Variants in MIS18BP1 observed in about 807,000 individuals in gnomAD.
MIS18BP1 encodes mis18-binding protein 1.
Under a neutral mutation model 116.1 loss-of-function variants are expected in MIS18BP1, and 72 were observed. That is an observed-to-expected ratio of 0.62 (90% CI 0.51 to 0.75). The LOEUF (loss-of-function observed/expected upper bound fraction) is 0.75. Among genes scored for constraint, MIS18BP1 ranks in the 30% least tolerant of loss-of-function variants. The probability of loss-of-function intolerance (pLI) is 0.00; values close to 1 mark genes in which losing one functional copy is unlikely to be tolerated. For missense variants in MIS18BP1, 1,363 were observed against 1,303.2 expected, an observed-to-expected ratio of 1.05 and a Z score of -0.71; for synonymous variants, 386 against 427.0, an observed-to-expected ratio of 0.90 and a Z score of 1.18.
At chr14:45,218,825 T>C (rs547902979) in intron 11 of MIS18BP1, among the ~76,000 whole-genome samples, 2 of 146,290 alleles carry the variant, frequency 1.4e-5, no homozygotes, top group Non-Finnish European at 3.1e-5. Context: ...TTAAATCTTA[T>C]TGGTGCTAAG....
chr14:45,252,524 T>G (rs1166415606), intron 1 of MIS18BP1, among the ~76,000 whole-genome samples: 1 of 152,214 alleles, frequency 6.6e-6, no homozygotes, highest in African/African-American at 2.4e-5. Context: ...TTTCTTGAAC[T>G]CCTGAGCTCA....
intron 8 of MIS18BP1, among the ~76,000 whole-genome samples, chr14:45,230,505 T>A (rs1487047327): frequency 6.6e-6 from 1 of 152,210 alleles, no homozygotes; most frequent in Non-Finnish European, 1.5e-5. Context: ...TACAACAGGT[T>A]TGCGGTAGGT....
chr14:45,210,584 A>G, intron 13 of MIS18BP1, 56 bp from the exon 14 acceptor site: 1 of 1,592,536 alleles, frequency 6.3e-7, no homozygotes. Context: ...TTTTCTCATT[A>G]TCACAAAATA....
intron 11 of MIS18BP1, among the ~76,000 whole-genome samples, chr14:45,218,701 T>G (rs950789445): frequency 6.6e-6 from 1 of 151,546 alleles, no homozygotes; most frequent in African/African-American, 2.4e-5. Flanking sequence ...ATGTGTTTTA[T>G]TAAGCCTGAA....
At chr14:45,229,502 T>G (rs1447808291) in intron 8 of MIS18BP1, among the ~76,000 whole-genome samples, 1 of 144,924 alleles carries the variant, frequency 6.9e-6, no homozygotes, top group African/African-American at 2.6e-5. Context: ...AGACCCTGTC[T>G]CAAAAAAAAA....
intron 13 of MIS18BP1, among the ~76,000 whole-genome samples, chr14:45,214,178 T>G (rs369248357): frequency 1.3e-5 from 2 of 152,156 alleles, no homozygotes; most frequent in South Asian, 2.1e-4. Context: ...AAATAGGAAG[T>G]CCTCTTTGCA....
chr14:45,226,871 A>C, intron 9 of MIS18BP1, 35 bp from the exon 10 acceptor site: 1 of 1,296,396 alleles, frequency 7.7e-7, no homozygotes, highest in Non-Finnish European at 1.0e-6. Context: ...TTTTATTTTA[A>C]AACTACTACC....
At chr14:45,222,087 AGACG>A (rs1177720449) in intron 11 of MIS18BP1, among the ~76,000 whole-genome samples, 2 of 152,206 alleles carry the variant, frequency 1.3e-5, no homozygotes, top group Non-Finnish European at 2.9e-5. Flanking sequence ...ATTTGTGTTT[AGACG>A]GTATTTTTCT....
rs762043001 is a variant in MIS18BP1, at chr14:45,223,958, C to A, written c.2629G>T (p.Asp877Tyr). 25 of 1,598,038 alleles carry A rather than the reference C, an allele frequency of 1.6e-5. No individual in the cohort carries two copies. In the East Asian group the frequency reaches 5.4e-4, roughly 34 times the overall value. Residue 877 changes from aspartate to tyrosine, a missense_variant, in exon 11 of 17, where the codon GAT becomes TAT. Transcript: ENST00000310806. ...PLECLPGLIQDKEWNEKELQK... is the reference protein window; with the variant it reads ...PLECLPGLIQYKEWNEKELQK... ...AACTCCTTCTCATTCCATTCCTTAT[C>A]CTGAATTAAACCAGGTAAGCATTCT...
chr14:45,213,801 T>G (rs1024953303), intron 13 of MIS18BP1, among the ~76,000 whole-genome samples: 2 of 152,254 alleles, frequency 1.3e-5, no homozygotes, highest in African/African-American at 4.8e-5. Flanking sequence ...CATTTTGTTC[T>G]GTACTAAAAA....
rs1891622249 is a variant in MIS18BP1 at position 45,242,864 on chromosome 14, T to C, written c.555A>G (p.Gln185=). The change falls in exon 3 of 17, where the codon CAA becomes CAG. Residue 185 remains glutamine, a synonymous_variant. Coordinates refer to ENST00000310806, the MANE Select transcript of MIS18BP1 (RefSeq NM_018353.5). ...TATTTGATGATTCTAGAGGAACTCCTTGGACTGAGGCTAAGGTTTTATTTT... is the reference window on the plus strand; with the variant it reads ...TATTTGATGATTCTAGAGGAACTCCCTGGACTGAGGCTAAGGTTTTATTTT... ...SDDSSLRASV[Q]GVPLESSNND... is the part of the protein sequence containing the mutation. The C allele has an allele frequency of 6.2e-7, 1 of 1,601,634 alleles. No individual in the cohort carries two copies. Among genetic ancestry groups the C allele is most frequent in the South Asian group, 1.1e-5 (1 of 89,128 alleles).
In MIS18BP1 at chr14:45,232,221, C is replaced by T. The variant is rs1021998326; in HGVS notation, c.1436+512G>A. On this transcript the variant is annotated intron_variant, in intron 7 of 16. Coordinates refer to ENST00000310806, the MANE Select transcript of MIS18BP1 (RefSeq NM_018353.5). ...CAGGAGGTCAGGAGATCGAGACCATCCTGGCTAACATGGTGAAACCCTGTC... is the reference window on the plus strand; with the variant it reads ...CAGGAGGTCAGGAGATCGAGACCATTCTGGCTAACATGGTGAAACCCTGTC... Among the ~76,000 whole-genome samples the T allele has an allele frequency of 2.0e-5, 3 of 151,582 alleles. No individual in the cohort carries two copies. In the South Asian group the frequency reaches 6.3e-4, roughly 32 times the overall value.
chr14:45,228,270 A>G (rs1203481945), intron 8 of MIS18BP1, among the ~76,000 whole-genome samples: 1 of 152,222 alleles, frequency 6.6e-6, no homozygotes, highest in Non-Finnish European at 1.5e-5. Context: ...GTATAGCGCT[A>G]CGCTACATTT....
chr14:45,237,011 AC>A (rs1891447528), intron 5 of MIS18BP1, among the ~76,000 whole-genome samples: 1 of 147,480 alleles, frequency 6.8e-6, no homozygotes, highest in South Asian at 2.1e-4. Flanking sequence ...AACAGTTATA[AC>A]TTTTTTTTTT....
chr14:45,248,582 CT>C (rs1891787008), intron 1 of MIS18BP1, among the ~76,000 whole-genome samples: 1 of 151,788 alleles, frequency 6.6e-6, no homozygotes, highest in Non-Finnish European at 1.5e-5. Context: ...TAAAAAAAAA[CT>C]ATCACAGAAA....
intron 1 of MIS18BP1, among the ~76,000 whole-genome samples, chr14:45,247,900 T>G (rs554194403): frequency 1.3e-5 from 2 of 152,186 alleles, no homozygotes; most frequent in East Asian, 3.9e-4. Context: ...TGATTTTTTA[T>G]GCTCCAGAGC....
intron 1 of MIS18BP1, among the ~76,000 whole-genome samples, 186 bp from the exon 2 acceptor site, chr14:45,247,563 T>C (rs1267546519): frequency 6.6e-6 from 1 of 151,926 alleles, no homozygotes; most frequent in East Asian, 1.9e-4. Context: ...CTGGGTGTGA[T>C]GGTGTACACG....
intron 11 of MIS18BP1, among the ~76,000 whole-genome samples, chr14:45,222,025 T>C (rs574016302): frequency 2.6e-5 from 4 of 152,368 alleles, no homozygotes; most frequent in African/African-American, 9.6e-5. Context: ...ATTTTCTTCC[T>C]ACTAAAGTCT....
intron 2 of MIS18BP1, among the ~76,000 whole-genome samples, chr14:45,243,366 A>G (rs1161363810): frequency 1.3e-5 from 2 of 152,194 alleles, no homozygotes; most frequent in Non-Finnish European, 2.9e-5. Context: ...GCCATAATTT[A>G]TATCCTTTAG....
Sources: gnomAD v4.1 joint callset for allele counts (sites outside exome capture counted in the v4.1 genomes callset) on GRCh38, gnomAD v4.1.1 for gene constraint, MANE v1.5 for transcripts, NCBI Gene and HGNC (gene_info 2026-07-23, HGNC 2026-07-21) for gene names.